FAM13A: variants seen among roughly 807,000 people sequenced by gnomAD.
The protein encoded by FAM13A is family with sequence similarity 13 member A.
Under a neutral mutation model 129.6 loss-of-function variants are expected in FAM13A, and 76 were observed. The ratio of observed to expected loss-of-function variants is 0.59; its 90% CI spans 0.49 to 0.71. The LOEUF is 0.71. FAM13A is among the 30% of genes least tolerant of loss of function. The pLI, the probability that FAM13A is intolerant of heterozygous loss-of-function variation, is 0.00. For synonymous variants in FAM13A, 443 were observed against 449.9 expected (o/e 0.98, Z 0.20); for missense variants, 1,108 against 1,249.3 (o/e 0.89, Z 1.70).
At chr4:88,969,521 G>A (rs1397810503) in intron 4 of FAM13A, among the ~76,000 whole-genome samples, 1 of 152,222 alleles carries the variant, frequency 6.6e-6, no homozygotes, top group Non-Finnish European at 1.5e-5. Flanking sequence ...GAAGAAACAT[G>A]TGAACAATGC....
chr4:88,784,959 T>C (rs1474448873), intron 10 of FAM13A, among the ~76,000 whole-genome samples: 1 of 152,180 alleles, frequency 6.6e-6, no homozygotes, highest in Non-Finnish European at 1.5e-5. Context: ...TAGCAAATAG[T>C]AATATAGGTC....
intron 10 of FAM13A, among the ~76,000 whole-genome samples, chr4:88,787,374 G>A (rs1211251225): frequency 6.6e-6 from 1 of 151,908 alleles, no homozygotes; most frequent in Non-Finnish European, 1.5e-5. Flanking sequence ...CCATAAACAA[G>A]TCTAAATAGT....
intron 3 of FAM13A, among the ~76,000 whole-genome samples, chr4:89,018,079 T>C (rs1042539696): frequency 2.0e-5 from 3 of 152,338 alleles, no homozygotes; most frequent in East Asian, 3.9e-4. Flanking sequence ...GTAAAACTTC[T>C]GGGATTTTTC....
intron 7 of FAM13A, among the ~76,000 whole-genome samples, chr4:88,839,836 T>C (rs1023298681): frequency 2.6e-5 from 4 of 151,858 alleles, no homozygotes; most frequent in Non-Finnish European, 4.4e-5. Flanking sequence ...TCCTGGGGGG[T>C]GGAGGATGGG....
At chr4:88,827,964 T>C (rs986126943) in intron 7 of FAM13A, among the ~76,000 whole-genome samples, 9 of 152,192 alleles carry the variant, frequency 5.9e-5, no homozygotes, top group African/African-American at 1.9e-4. Flanking sequence ...AAACCTCCCC[T>C]GAGGAAACAA....
chr4:88,986,425 C>T (rs1345750224), intron 4 of FAM13A, among the ~76,000 whole-genome samples: 2 of 152,190 alleles, frequency 1.3e-5, no homozygotes, highest in African/African-American at 4.8e-5. Flanking sequence ...TGAGCCACCG[C>T]GCCCGACCAA....
intron 7 of FAM13A, among the ~76,000 whole-genome samples, chr4:88,831,895 T>A (rs1019696978): frequency 1.1e-4 from 16 of 151,866 alleles, no homozygotes; most frequent in South Asian, 2.1e-4. Flanking sequence ...AATTTTTTTT[T>A]AAATTCATAT....
intron 7 of FAM13A, among the ~76,000 whole-genome samples, chr4:88,826,482 G>A (rs1733014438): frequency 6.6e-6 from 1 of 152,128 alleles, no homozygotes; most frequent in Non-Finnish European, 1.5e-5. Context: ...TTGGTAACTA[G>A]TTATACTAAA....
chr4:88,832,267 C>A (rs1448110450), intron 7 of FAM13A, among the ~76,000 whole-genome samples: 1 of 152,022 alleles, frequency 6.6e-6, no homozygotes, highest in Non-Finnish European at 1.5e-5. Context: ...AATGTAAAAC[C>A]CAAAACTATA....
chr4:88,974,552 A>C (rs1355509914), intron 4 of FAM13A, among the ~76,000 whole-genome samples: 1 of 152,050 alleles, frequency 6.6e-6, no homozygotes, highest in Admixed American at 6.6e-5. Context: ...ATCTTGGCTC[A>C]CTGCAACCTC....
At chr4:88,791,650 T>C (rs1725183558) in intron 8 of FAM13A, among the ~76,000 whole-genome samples, 1 of 152,116 alleles carries the variant, frequency 6.6e-6, no homozygotes, top group African/African-American at 2.4e-5. Flanking sequence ...TGTAGAGACA[T>C]TCAAAGAAAA....
At chr4:88,995,152 G>A (rs1185572911) in intron 3 of FAM13A, among the ~76,000 whole-genome samples, 2 of 145,488 alleles carry the variant, frequency 1.4e-5, no homozygotes, top group South Asian at 4.4e-4. Flanking sequence ...TATATTTGTT[G>A]CACAAATATA....
At chr4:89,013,283 A>C (rs2464512) in intron 3 of FAM13A, among the ~76,000 whole-genome samples, 1 of 149,506 alleles carries the variant, frequency 6.7e-6, no homozygotes, top group African/African-American at 2.4e-5. Context: ...TATATATATA[A>C]CACAGTATAT....
intron 10 of FAM13A, among the ~76,000 whole-genome samples, chr4:88,782,511 C>G (rs980237686): frequency 6.6e-6 from 1 of 152,026 alleles, no homozygotes; most frequent in African/African-American, 2.4e-5. Flanking sequence ...AACCATATCC[C>G]AAAATGAAAG....
intron 7 of FAM13A, among the ~76,000 whole-genome samples, chr4:88,837,274 T>G (rs978930507): frequency 4.6e-5 from 7 of 151,590 alleles, no homozygotes; most frequent in African/African-American, 1.7e-4. Flanking sequence ...GGATTACAAG[T>G]GTGAGCCACT....
chr4:88,876,798 A>T (rs907395837), intron 6 of FAM13A, among the ~76,000 whole-genome samples: 20 of 152,092 alleles, frequency 1.3e-4, no homozygotes, highest in Admixed American at 6.5e-5. Context: ...TCACCATGTT[A>T]GCCAGGATGG....
intron 18 of FAM13A, 137 bp downstream of exon 18, chr4:88,747,494 A>G (rs1268758133): frequency 2.8e-6 from 2 of 725,802 alleles, no homozygotes; most frequent in Non-Finnish European, 4.7e-6. Flanking sequence ...CTGTTTCATC[A>G]GCTTCCCTAG....
chr4:88,787,500 G>A lies in FAM13A; in HGVS notation c.1271+253C>T, dbSNP rs553924150. Among the ~76,000 whole-genome samples, 4 of 152,274 alleles carry A rather than the reference G, an allele frequency of 2.6e-5. No individual in the cohort carries two copies. In the East Asian group the frequency reaches 7.7e-4, roughly 29 times the overall value. On this transcript the variant is annotated intron_variant, in intron 10 of 23. Coordinates refer to ENST00000264344, the MANE Select transcript of FAM13A (RefSeq NM_014883.4). ...GATATTTATGAGGAAGCCATAGGGT[G>A]TATTCAATCAGAGGTGGCTTCTAAC...
intron 5 of FAM13A, among the ~76,000 whole-genome samples, chr4:88,916,435 T>A (rs1246471770): frequency 2.0e-5 from 3 of 152,272 alleles, no homozygotes; most frequent in African/African-American, 7.2e-5. Context: ...TCTGTCACAG[T>A]ACTTATTGAG....
Sources: gnomAD v4.1 joint callset for allele counts (sites outside exome capture counted in the v4.1 genomes callset) on GRCh38, gnomAD v4.1.1 for gene constraint, MANE v1.5 for transcripts, NCBI Gene and HGNC (gene_info 2026-07-23, HGNC 2026-07-21) for gene names.